RUNX3: variants seen among roughly 807,000 people sequenced by gnomAD.
RUNX3 encodes runt-related transcription factor 3.
In RUNX3, 10 loss-of-function variants were observed where a neutral mutation model predicts 27.7. The observed-to-expected ratio is 0.36, with a 90% CI of 0.22 to 0.61. The LOEUF (loss-of-function observed/expected upper bound fraction) is 0.61, where lower values mean the gene tolerates loss of function less well. Ranked by LOEUF, RUNX3 falls within the 20% of genes least tolerant of loss-of-function variation. RUNX3 has a pLI of 0.72. For synonymous variants in RUNX3, 270 were observed against 269.2 expected, an observed-to-expected ratio of 1.00 and a Z score of -0.03; for missense variants, 469 against 629.5, an observed-to-expected ratio of 0.75 and a Z score of 2.73.
upstream of RUNX3, among the ~76,000 whole-genome samples, chr1:24,933,224 G>A (rs1049100601): frequency 2.6e-5 from 4 of 152,216 alleles, no homozygotes; most frequent in Admixed American, 2.6e-4. Context: ...CAGTCCCTCT[G>A]CCTGAGCGTG....
rs1175912714 is a variant in RUNX3, at chr1:24,902,016, C to T, written c.*106G>A. On this transcript the variant is annotated 3_prime_UTR_variant, in exon 5 of 5. Coordinates refer to ENST00000308873, the MANE Select transcript of RUNX3 (RefSeq NM_004350.3). The surrounding 1 kb of genome is among the most constrained non-coding windows in gnomAD (Gnocchi z 9.2). ...GGACCACCCTGGGACCGAGACCACCCTGGAGCGCAGGTCCCATTCCCGCCC... is the reference window on the plus strand; with the variant it reads ...GGACCACCCTGGGACCGAGACCACCTTGGAGCGCAGGTCCCATTCCCGCCC... 17 of 1,111,680 alleles carry T rather than the reference C, an allele frequency of 1.5e-5. No homozygotes were observed. The highest frequency in any genetic ancestry group is 2.0e-5 in the Non-Finnish European group (16 of 803,208). The allele number at this position is 1,111,680 out of a possible 1,614,324, so 68.9% of individuals were successfully genotyped here.
intron 2 of RUNX3, among the ~76,000 whole-genome samples, chr1:24,940,887 C>T (rs1641460215): frequency 6.6e-6 from 1 of 152,110 alleles, no homozygotes; most frequent in Non-Finnish European, 1.5e-5. Flanking sequence ...AGATAGATGT[C>T]TGCTTTATTC....
intron 2 of RUNX3, among the ~76,000 whole-genome samples, chr1:24,926,530 G>C (rs1302943511): frequency 1.3e-5 from 2 of 152,302 alleles, no homozygotes; most frequent in Admixed American, 6.5e-5. Flanking sequence ...GTCAAAATAT[G>C]GCTGACATTT....
intron 2 of RUNX3, among the ~76,000 whole-genome samples, chr1:24,953,587 G>A (rs1275881702): frequency 3.3e-5 from 5 of 152,126 alleles, no homozygotes; most frequent in African/African-American, 1.2e-4. Context: ...CTACTGTGTT[G>A]GGCAGCACAG....
chr1:24,905,022 T>C (rs2124244601), intron 4 of RUNX3, among the ~76,000 whole-genome samples: 1 of 152,198 alleles, frequency 6.6e-6, no homozygotes, highest in East Asian at 1.9e-4. Flanking sequence ...AAGCCCCCAT[T>C]GTGGGCGGCT....
chr1:24,937,235 C>T (rs910274339), intron 2 of RUNX3, among the ~76,000 whole-genome samples: 1 of 152,222 alleles, frequency 6.6e-6, no homozygotes, highest in Non-Finnish European at 1.5e-5. Flanking sequence ...CCCATGCAGT[C>T]GCACAGGGCC....
chr1:24,901,978 C>T lies in RUNX3; in HGVS notation c.*144G>A. The T allele has an allele frequency of 1.4e-6, 1 of 729,006 alleles. No homozygotes were observed. The highest frequency in any genetic ancestry group is 2.7e-5 in the East Asian group (1 of 36,730). 45.2% of individuals were successfully genotyped at this position (729,006 alleles called of 1,614,324 possible). A position where few individuals can be genotyped will look rare whatever the true frequency, so the allele number is the denominator to read the frequency against. On this transcript the variant is annotated 3_prime_UTR_variant, in exon 5 of 5. Coordinates refer to ENST00000308873, the MANE Select transcript of RUNX3 (RefSeq NM_004350.3). ...GTGGCTGCACAGATGCAGCCAGAGG[C>T]TCCCACCAGCTGGGACCACCCTGGG...
At position 24,942,515 on chromosome 1, in the gene RUNX3, G is replaced by A. The variant is rs148280197; in HGVS notation, c.59-12663C>T. 2.0e-3 allele frequency among the ~76,000 whole-genome samples: 301 copies of A among 152,282 alleles called. 4 individuals are homozygous for A. The highest frequency in any genetic ancestry group is 6.9e-3 in the African/African-American group (288 of 41,558). On this transcript the variant is annotated intron_variant, in intron 2 of 6. Coordinates refer to the RUNX3 transcript ENST00000338888. ...GCAATACTTTAGACAGGGTGGTCAG[G>A]GAAGGTCTGTCGGAGCAGGTGACAT...
intron 2 of RUNX3, among the ~76,000 whole-genome samples, chr1:24,942,830 C>A (rs1641511057): frequency 6.6e-6 from 1 of 152,212 alleles, no homozygotes; most frequent in South Asian, 2.1e-4. Context: ...CAGGACCTGA[C>A]CCGGGCTCCC....
Position 24,946,442 on chromosome 1 carries a change from T to C in RUNX3, c.59-16590A>G, listed in dbSNP as rs1249761183. ...GTTGGGAACATACAGTATGGGGTCCTTTAAACCTGCTTTTGAAATCCCCCA... is the reference window on the plus strand; with the variant it reads ...GTTGGGAACATACAGTATGGGGTCCCTTAAACCTGCTTTTGAAATCCCCCA... On this transcript the variant is annotated intron_variant, in intron 2 of 6. Transcript: ENST00000338888. 2.8e-5 allele frequency among the ~76,000 whole-genome samples: 4 copies of C among 142,644 alleles called. No individual in the cohort carries two copies. The Admixed American group carries it at 2.9e-4, about 10-fold the overall frequency. 93.6% of individuals were successfully genotyped at this position (142,644 alleles called of 152,430 possible).
chr1:24,930,483 C>T (rs187511862), upstream of RUNX3, among the ~76,000 whole-genome samples: 382 of 152,158 alleles, frequency 2.5e-3, 2 homozygotes, highest in African/African-American at 8.9e-3. This position sits in a 1 kb window ranked among gnomAD's most constrained non-coding sequence, Gnocchi z 4.1. Flanking sequence ...TGCCACAGCC[C>T]AGGGCCCCCG....
upstream of RUNX3, among the ~76,000 whole-genome samples, chr1:24,933,717 G>T (rs780830324): frequency 6.6e-6 from 1 of 152,122 alleles, no homozygotes; most frequent in South Asian, 2.1e-4. Flanking sequence ...CCTCACTTTC[G>T]CCCCCAGCCG....
At chr1:24,921,976 G>C (rs1465322464) in intron 2 of RUNX3, among the ~76,000 whole-genome samples, 1 of 152,070 alleles carries the variant, frequency 6.6e-6, no homozygotes. Flanking sequence ...TTTGAGACAA[G>C]GTCTTGCTCT....
At chr1:24,949,112 A>G (rs1641691128) in intron 2 of RUNX3, among the ~76,000 whole-genome samples, 1 of 152,056 alleles carries the variant, frequency 6.6e-6, no homozygotes, top group African/African-American at 2.4e-5. Context: ...TGATACAATC[A>G]CATTCATTCC....
chr1:24,909,304 T>A (rs1160999490), intron 3 of RUNX3, among the ~76,000 whole-genome samples: 1 of 152,186 alleles, frequency 6.6e-6, no homozygotes, highest in Non-Finnish European at 1.5e-5. Context: ...CGCTCTAAGC[T>A]CCTCTCCAGA....
chr1:24,963,076 GC>G (rs1271314879), intron 2 of RUNX3: 2 of 152,284 alleles, frequency 1.3e-5, no homozygotes, highest in Admixed American at 6.5e-5. Flanking sequence ...ACCTGGGGCT[GC>G]CGCTCATCAT....
chr1:24,909,086 C>T (rs973691377), intron 3 of RUNX3, among the ~76,000 whole-genome samples: 2 of 152,144 alleles, frequency 1.3e-5, no homozygotes, highest in African/African-American at 2.4e-5. Context: ...GCCTCACATC[C>T]GAGGACTCAG....
chr1:24,925,119 C>T (rs779235418), intron 2 of RUNX3, among the ~76,000 whole-genome samples: 11 of 152,212 alleles, frequency 7.2e-5, no homozygotes, highest in Non-Finnish European at 1.3e-4. Context: ...AGTCTTAACT[C>T]CCAAAGTGTC....
In RUNX3 at chr1:24,902,892, C is replaced by A. The variant is rs1013122297; in HGVS notation, c.704-226G>T. On this transcript the variant is annotated intron_variant, in intron 4 of 4. Coordinates refer to ENST00000308873, the MANE Select transcript of RUNX3 (RefSeq NM_004350.3). The surrounding 1 kb of genome is among the most constrained non-coding windows in gnomAD (Gnocchi z 9.2). ...GAGCGTGCCCCGGGCCAAGAGGGGC[C>A]ATGGGAGCCCCCCCACAGCAGCAAC... Among the ~76,000 whole-genome samples, 1 of 150,642 alleles carries A rather than the reference C, an allele frequency of 6.6e-6. No homozygotes were observed. The highest frequency in any genetic ancestry group is 2.4e-5 in the African/African-American group (1 of 41,392).
Sources: gnomAD v4.1 joint callset for allele counts (sites outside exome capture counted in the v4.1 genomes callset) on GRCh38, gnomAD v4.1.1 for gene constraint, Gnocchi (gnomAD v3.1) non-coding constraint, MANE v1.5 for transcripts, NCBI Gene and HGNC (gene_info 2026-07-23, HGNC 2026-07-21) for gene names.